Variants in CDK13 observed in about 807,000 individuals in gnomAD.
CDK13 encodes cyclin-dependent kinase 13.
A neutral mutation model predicts 137.6 loss-of-function variants in CDK13; 40 were observed. The ratio of observed to expected loss-of-function variants is 0.29; its 90% CI spans 0.23 to 0.38. CDK13 has a LOEUF of 0.38. CDK13 is among the 10% of genes least tolerant of loss of function. The pLI, the probability that CDK13 is intolerant of heterozygous loss-of-function variation, is 1.00. For synonymous variants in CDK13, 869 were observed against 760.1 expected, an observed-to-expected ratio of 1.14 and a Z score of -2.36; for missense variants, 1,704 against 1,951.8, an observed-to-expected ratio of 0.87 and a Z score of 2.39.
intron 2 of CDK13, among the ~76,000 whole-genome samples, chr7:39,995,126 G>A (rs1400493222): frequency 6.6e-6 from 1 of 151,854 alleles, no homozygotes; most frequent in African/African-American, 2.4e-5. Flanking sequence ...TGTTGCTGGG[G>A]TGTATAGAAG....
intron 5 of CDK13, among the ~76,000 whole-genome samples, chr7:40,037,847 A>C (rs1785518554): frequency 6.6e-6 from 1 of 152,232 alleles, no homozygotes; most frequent in South Asian, 2.1e-4. Flanking sequence ...AATGCAGTTT[A>C]AGATTTCTTA....
At chr7:39,999,282 G>A in intron 3 of CDK13, 79 bp from the exon 4 acceptor site, 2 of 1,147,100 alleles carry the variant, frequency 1.7e-6, no homozygotes, top group Non-Finnish European at 2.5e-6. Flanking sequence ...CAATTGGGTG[G>A]CGAGTAGATA....
At chr7:39,978,396 C>T (rs1048494947) in intron 1 of CDK13, among the ~76,000 whole-genome samples, 4 of 151,820 alleles carry the variant, frequency 2.6e-5, no homozygotes, top group African/African-American at 9.7e-5. Context: ...TCAGAGGTGA[C>T]CAGTTGCAGA....
Position 39,950,828 on chromosome 7 carries a change from G to C in CDK13, c.187G>C (p.Ala63Pro). Residue 63 changes from alanine (A) to proline (P), a missense_variant, in exon 1 of 14, where the codon GCT becomes CCT. By Grantham distance (27) the Ala-to-Pro change is conservative. Around this residue, in one of 5 missense-constraint regions of CDK13, gnomAD observed 1,051 missense variants for 931.0 expected, o/e 1.13. Coordinates refer to ENST00000181839, the MANE Select transcript of CDK13 (RefSeq NM_003718.5). ...PPPPPLLFLA[A>P]PGTAAAAAAA... is the part of the protein sequence containing the mutation. ...CCCGCCGCCTCTGCTCTTCCTGGCT[G>C]CTCCCGGCACGGCCGCCGCCGCAGC... 1 of 1,412,656 alleles carries C rather than the reference G, an allele frequency of 7.1e-7. No individual in the cohort carries two copies. The highest frequency in any genetic ancestry group is 1.5e-5 in the South Asian group (1 of 66,606). The allele number at this position is 1,412,656 out of a possible 1,614,324, so 87.5% of individuals were successfully genotyped here. A position where few individuals can be genotyped will look rare whatever the true frequency, so the allele number is the denominator to read the frequency against.
At chr7:39,963,519 T>C (rs1162343007) in intron 1 of CDK13, among the ~76,000 whole-genome samples, 2 of 152,182 alleles carry the variant, frequency 1.3e-5, no homozygotes, top group Admixed American at 6.5e-5. Context: ...TTAAGGAGAT[T>C]TTGGGCTGAG....
intron 7 of CDK13, among the ~76,000 whole-genome samples, chr7:40,051,821 A>G (rs1363509764): frequency 6.6e-6 from 1 of 152,222 alleles, no homozygotes; most frequent in Non-Finnish European, 1.5e-5. Flanking sequence ...CTGGATTAAA[A>G]TTAGAGGGGA....
chr7:40,022,650 C>CTT (rs11336630), intron 5 of CDK13, among the ~76,000 whole-genome samples: 1 of 141,158 alleles, frequency 7.1e-6, no homozygotes, highest in Non-Finnish European at 1.6e-5. Context: ...GAGGAAGTAT[C>CTT]TTTTTTTTTT....
At chr7:40,069,402 G>GGT (rs1311867438) in intron 9 of CDK13, 9 of 425,758 alleles carry the variant, frequency 2.1e-5, no homozygotes, top group South Asian at 4.9e-5. Flanking sequence ...AATCTTACAG[G>GGT]GTTGGGTTCT....
chr7:40,073,574 CTTTTTCTT>C (rs1346637101), intron 9 of CDK13: 1 of 146,552 alleles, frequency 6.8e-6, no homozygotes, highest in Non-Finnish European at 1.5e-5. Context: ...CTTTTTCTTT[CTTTTTCTT>C]TTTCTTTCTT....
At chr7:39,968,584 C>A (rs1333693157) in intron 1 of CDK13, among the ~76,000 whole-genome samples, 1 of 152,222 alleles carries the variant, frequency 6.6e-6, no homozygotes, top group East Asian at 1.9e-4. Context: ...ACTGTATGCT[C>A]TTGGCTACTT....
At chr7:40,080,269 T>G (rs887766294) in intron 11 of CDK13, among the ~76,000 whole-genome samples, 11 of 152,208 alleles carry the variant, frequency 7.2e-5, no homozygotes, top group African/African-American at 2.4e-4. Context: ...ATTACAGATT[T>G]GAGCCACCAC....
rs775339841 is a variant in CDK13 at position 39,997,644 on chromosome 7, A to G, written c.2022A>G (p.Leu674=). 3.1e-6 allele frequency: 5 copies of G among 1,613,504 alleles called. No homozygotes were observed. In the Admixed American group the frequency reaches 8.4e-5, roughly 27 times the overall value. Residue 674 remains leucine, a synonymous_variant, in exon 3 of 14, where the codon TTA becomes TTG. Coordinates refer to ENST00000181839, the MANE Select transcript of CDK13 (RefSeq NM_003718.5). The part of the protein sequence containing the change: ...SPEEKKTATQ[L]HSKRRPKICG... ...AGGAAAAGAAAACAGCAACACAGTT[A>G]CATAGTAAAAGGAGGCCTAAGTATG...
intron 5 of CDK13, among the ~76,000 whole-genome samples, chr7:40,011,658 T>C (rs1784897026): frequency 6.6e-6 from 1 of 152,136 alleles, no homozygotes; most frequent in South Asian, 2.1e-4. Context: ...GACTTAAATG[T>C]AAGCACTAAA....
At chr7:40,093,348 A>G in intron 13 of CDK13, 111 bp downstream of exon 13, 1 of 882,774 alleles carries the variant, frequency 1.1e-6, no homozygotes, top group Non-Finnish European at 1.7e-6. Context: ...AGATGTCCTG[A>G]AGAATCTCAG....
chr7:39,979,112 A>G (rs1010432792), intron 1 of CDK13, among the ~76,000 whole-genome samples: 5 of 152,174 alleles, frequency 3.3e-5, no homozygotes, highest in African/African-American at 1.2e-4. Flanking sequence ...ATCGCTGAAC[A>G]GTGAGGATTA....
Position 39,950,906 on chromosome 7 carries a change from G to A in CDK13, c.265G>A (p.Val89Ile), listed in dbSNP as rs1388431523. 2 of 1,334,274 alleles carry A rather than the reference G, an allele frequency of 1.5e-6. No homozygotes were observed. The highest frequency in any genetic ancestry group is 1.9e-6 in the Non-Finnish European group (2 of 1,050,508). 82.7% of individuals were successfully genotyped at this position (1,334,274 alleles called of 1,614,324 possible). A position where few individuals can be genotyped will look rare whatever the true frequency, so the allele number is the denominator to read the frequency against. The change falls in exon 1 of 14, where the codon GTC becomes ATC. Residue 89 changes from valine to isoleucine, a missense_variant. Val to Ile is a conservative substitution (Grantham distance 29). Around this residue, in one of 5 missense-constraint regions of CDK13, gnomAD observed 1,051 missense variants for 931.0 expected, o/e 1.13. Coordinates refer to ENST00000181839, the MANE Select transcript of CDK13 (RefSeq NM_003718.5). Reference sequence around the variant, plus strand: ...CTTCAGCCCGGGCCCCCCTCTGGAGGTCAAGCGGCTGGCGAGAGGCAAGAG... The same window carrying A: ...CTTCAGCCCGGGCCCCCCTCTGGAGATCAAGCGGCTGGCGAGAGGCAAGAG... ...SCFSPGPPLE[V>I]KRLARGKRRA...
At chr7:40,018,697 G>A (rs1785052507) in intron 5 of CDK13, among the ~76,000 whole-genome samples, 1 of 152,152 alleles carries the variant, frequency 6.6e-6, no homozygotes, top group Non-Finnish European at 1.5e-5. Context: ...ATAAGTGGGA[G>A]CTAAGCTGTG....
At chr7:39,972,923 A>C (rs1784030589) in intron 1 of CDK13, among the ~76,000 whole-genome samples, 1 of 152,170 alleles carries the variant, frequency 6.6e-6, no homozygotes, top group Non-Finnish European at 1.5e-5. Flanking sequence ...TATCAGCAAC[A>C]TATGAGGGTT....
intron 5 of CDK13, among the ~76,000 whole-genome samples, chr7:40,016,744 A>C (rs923285517): frequency 3.3e-5 from 5 of 152,198 alleles, no homozygotes; most frequent in Non-Finnish European, 5.9e-5. Context: ...GGTAAATGTA[A>C]GAAAAAAGAA....
Sources: allele counts gnomAD v4.1 joint callset (sites outside exome capture counted in the v4.1 genomes callset), GRCh38; gene constraint gnomAD v4.1.1; regional missense constraint gnomAD v4.1.1; transcripts MANE v1.5; gene names NCBI Gene and HGNC (gene_info 2026-07-23, HGNC 2026-07-21).